Variants in IMMP2L observed in about 807,000 individuals in gnomAD.
IMMP2L encodes the protein mitochondrial inner membrane protease subunit 2.
IMMP2L carries 18 observed loss-of-function variants against 19.3 expected under a neutral mutation model. The ratio of observed to expected loss-of-function variants is 0.93; its 90% confidence interval spans 0.64 to 1.38. IMMP2L has a LOEUF of 1.38. Ranked by LOEUF, IMMP2L falls within the 40% of genes most tolerant of loss-of-function variation. The probability of loss-of-function intolerance (pLI) is 0.00; values close to 1 mark genes in which losing one functional copy is unlikely to be tolerated. For missense variants in IMMP2L, 233 were observed against 218.2 expected (o/e 1.07, Z -0.43); for synonymous variants, 76 against 73.0 (o/e 1.04, Z -0.21).
intron 3 of IMMP2L, among the ~76,000 whole-genome samples, chr7:111,192,781 G>T (rs926935198): frequency 6.6e-6 from 1 of 152,046 alleles, no homozygotes; most frequent in African/African-American, 2.4e-5. Flanking sequence ...ATCAAATGCA[G>T]AACTAAAACA....
At chr7:111,072,095 A>G (rs1162761385) in intron 3 of IMMP2L, among the ~76,000 whole-genome samples, 4 of 152,138 alleles carry the variant, frequency 2.6e-5, no homozygotes, top group African/African-American at 7.2e-5. Flanking sequence ...CATTGTTGGG[A>G]AAAAAAATCC....
intron 3 of IMMP2L, among the ~76,000 whole-genome samples, chr7:111,432,485 T>C (rs1410793181): frequency 6.6e-6 from 1 of 151,760 alleles, no homozygotes; most frequent in East Asian, 1.9e-4. Context: ...TCTCAACAGA[T>C]GCAGAAAATG....
intron 5 of IMMP2L, among the ~76,000 whole-genome samples, chr7:110,769,652 T>C (rs1798906662): frequency 6.6e-6 from 1 of 152,110 alleles, no homozygotes; most frequent in Non-Finnish European, 1.5e-5. Context: ...ATGGGTGTCA[T>C]TTATCCATGC....
chr7:110,711,995 C>G (rs1199912673), intron 5 of IMMP2L, among the ~76,000 whole-genome samples: 1 of 34,976 alleles, frequency 2.9e-5, no homozygotes, highest in Non-Finnish European at 8.1e-5. Flanking sequence ...CGTCTGAAGC[C>G]TTCTTCTCTC....
At chr7:111,150,906 C>T (rs1243824439) in intron 3 of IMMP2L, among the ~76,000 whole-genome samples, 1 of 152,186 alleles carries the variant, frequency 6.6e-6, no homozygotes, top group Non-Finnish European at 1.5e-5. Context: ...TCATTAGCCA[C>T]AGTCCATTCC....
At chr7:111,552,095 A>C (rs1790734574) in intron 1 of IMMP2L, among the ~76,000 whole-genome samples, 1 of 152,106 alleles carries the variant, frequency 6.6e-6, no homozygotes, top group Non-Finnish European at 1.5e-5. Flanking sequence ...GAGATGTGAG[A>C]AACTTGAAAA....
At chr7:110,844,046 G>C (rs758472205) in intron 5 of IMMP2L, among the ~76,000 whole-genome samples, 42 of 152,160 alleles carry the variant, frequency 2.8e-4, no homozygotes, top group Non-Finnish European at 5.6e-4. Context: ...GAGCAGAAGA[G>C]TGACATGACA....
intron 3 of IMMP2L, among the ~76,000 whole-genome samples, chr7:110,999,255 T>C (rs1485363547): frequency 6.6e-6 from 1 of 151,944 alleles, no homozygotes; most frequent in African/African-American, 2.4e-5. Context: ...CAAATATCCT[T>C]CTTCAGGTCT....
At chr7:111,232,871 C>T (rs1813865971) in intron 3 of IMMP2L, among the ~76,000 whole-genome samples, 2 of 152,122 alleles carry the variant, frequency 1.3e-5, no homozygotes, top group Admixed American at 1.3e-4. Context: ...TTTACCCATT[C>T]TCTGTGTCTG....
Position 111,464,729 on chromosome 7 carries a change from C to T in IMMP2L, c.239+22509G>A, listed in dbSNP as rs780119245. On this transcript the variant is annotated intron_variant, in intron 3 of 5. Coordinates refer to ENST00000405709, the MANE Select transcript of IMMP2L (RefSeq NM_032549.4). ...AGCCTCAATCATTTTTACACGGACC[C>T]TACCCAACCAATCAAATGTATGCTG... 5.3e-4 allele frequency among the ~76,000 whole-genome samples: 80 copies of T among 152,108 alleles called. 1 individual carries two copies. The highest frequency in any genetic ancestry group is 1.9e-4 in the Non-Finnish European group (13 of 68,022).
intron 3 of IMMP2L, among the ~76,000 whole-genome samples, chr7:111,449,125 G>T (rs1022657128): frequency 1.3e-5 from 2 of 148,924 alleles, no homozygotes; most frequent in Non-Finnish European, 3.0e-5. Flanking sequence ...AATTCTACCA[G>T]AGGTACAAGG....
At chr7:110,713,313 C>T (rs546452562) in intron 5 of IMMP2L, among the ~76,000 whole-genome samples, 1 of 152,292 alleles carries the variant, frequency 6.6e-6, no homozygotes, top group East Asian at 1.9e-4. Context: ...TTACTGTGGA[C>T]TTACATTACT....
At chr7:111,136,168 C>T (rs1404451363) in intron 3 of IMMP2L, among the ~76,000 whole-genome samples, 1 of 151,970 alleles carries the variant, frequency 6.6e-6, no homozygotes, top group African/African-American at 2.4e-5. Flanking sequence ...GCTGGGATTA[C>T]AGGCACCCGC....
intron 3 of IMMP2L, among the ~76,000 whole-genome samples, chr7:111,269,179 T>C (rs896289367): frequency 1.3e-5 from 2 of 152,136 alleles, no homozygotes; most frequent in African/African-American, 2.4e-5. Flanking sequence ...CACTGTAAAA[T>C]TTTTTATCAA....
chr7:111,295,348 G>A (rs1272890033), intron 3 of IMMP2L, among the ~76,000 whole-genome samples: 1 of 151,820 alleles, frequency 6.6e-6, no homozygotes, highest in Non-Finnish European at 1.5e-5. Flanking sequence ...ATAAAAGGGT[G>A]GTAAGTTGGC....
At chr7:111,504,958 C>T (rs950503752) in intron 2 of IMMP2L, among the ~76,000 whole-genome samples, 11 of 151,936 alleles carry the variant, frequency 7.2e-5, no homozygotes, top group Non-Finnish European at 1.5e-4. Flanking sequence ...CAACAAAAGC[C>T]AAAACTGACA....
At position 110,974,247 on chromosome 7, in the gene IMMP2L, G is replaced by A. The variant is rs117271000; in HGVS notation, c.240-10682C>T. Among the ~76,000 whole-genome samples the A allele has an allele frequency of 6.1e-3, 927 of 152,066 alleles. 7 individuals are homozygous for A. The highest frequency in any genetic ancestry group is 0.01 in the Non-Finnish European group (696 of 67,960). On this transcript the variant is annotated intron_variant, in intron 3 of 5. Coordinates refer to ENST00000405709, the MANE Select transcript of IMMP2L (RefSeq NM_032549.4). Reference sequence around the variant, plus strand: ...TGAATGGCAGAAACTTGGGGATTTCGTTTCACTCTAACATGGGAGCTTTGC... The same window carrying A: ...TGAATGGCAGAAACTTGGGGATTTCATTTCACTCTAACATGGGAGCTTTGC...
At chr7:110,879,106 G>T (rs17435882) in intron 5 of IMMP2L, among the ~76,000 whole-genome samples, 4,871 of 152,152 alleles carry the variant, frequency 0.032, 101 homozygotes, top group Non-Finnish European at 0.046. Context: ...GAAACAGTCT[G>T]TTATAGCAGG....
At chr7:111,375,289 T>C (rs1018545438) in intron 3 of IMMP2L, among the ~76,000 whole-genome samples, 4 of 152,016 alleles carry the variant, frequency 2.6e-5, no homozygotes, top group Admixed American at 1.3e-4. Flanking sequence ...ATAGTAGTCT[T>C]ATGAGACAGT....
Sources: allele counts gnomAD v4.1 joint callset (sites outside exome capture counted in the v4.1 genomes callset), GRCh38; gene constraint gnomAD v4.1.1; transcripts MANE v1.5; gene names NCBI Gene and HGNC (gene_info 2026-07-23, HGNC 2026-07-21).